The following WDPCP variants were observed in gnomAD, a reference collection of about 807,000 sequenced individuals.
WDPCP encodes WD repeat containing planar cell polarity effector.
Under a neutral mutation model 93.1 loss-of-function variants are expected in WDPCP, and 71 were observed. The observed-to-expected ratio is 0.76, with a 90% CI of 0.63 to 0.93. WDPCP has a LOEUF of 0.93. Among genes scored for constraint, WDPCP ranks in the 40% least tolerant of loss-of-function variants. The pLI, the probability that WDPCP is intolerant of heterozygous loss-of-function variation, is 0.00. For synonymous variants in WDPCP, 315 were observed against 315.0 expected, an observed-to-expected ratio of 1.00 and a Z score of 0.00; for missense variants, 844 against 887.4, an observed-to-expected ratio of 0.95 and a Z score of 0.62.
At chr2:63,370,808 C>G (rs1691312717) in intron 12 of WDPCP, among the ~76,000 whole-genome samples, 1 of 151,824 alleles carries the variant, frequency 6.6e-6, no homozygotes, top group Admixed American at 6.6e-5. Flanking sequence ...ATTGTATTCC[C>G]TTTGCTTTTT....
chr2:63,265,383 T>C (rs964510694), intron 13 of WDPCP, among the ~76,000 whole-genome samples: 2 of 152,026 alleles, frequency 1.3e-5, no homozygotes, highest in Non-Finnish European at 2.9e-5. Flanking sequence ...CACAACATAC[T>C]ACTACTACTA....
chr2:63,337,102 C>T (rs1688436077), intron 12 of WDPCP, among the ~76,000 whole-genome samples: 1 of 152,062 alleles, frequency 6.6e-6, no homozygotes, highest in African/African-American at 2.4e-5. Context: ...CCATGTTGGC[C>T]AGGATGGGCT....
intron 12 of WDPCP, among the ~76,000 whole-genome samples, chr2:63,365,248 C>A (rs1383528124): frequency 6.6e-6 from 1 of 152,132 alleles, no homozygotes; most frequent in Admixed American, 6.6e-5. Context: ...CTAGCAAGGT[C>A]TCTTCAGCAC....
At chr2:63,817,336 C>A (rs1042145353) in intron 1 of WDPCP, among the ~76,000 whole-genome samples, 1 of 152,146 alleles carries the variant, frequency 6.6e-6, no homozygotes, top group Non-Finnish European at 1.5e-5. Context: ...TCTCGAACTC[C>A]TGACCTCATG....
chr2:63,645,229 C>A (rs1710033833), intron 3 of WDPCP, among the ~76,000 whole-genome samples: 1 of 152,060 alleles, frequency 6.6e-6, no homozygotes, highest in Admixed American at 6.5e-5. Context: ...TCAAGAAATG[C>A]TTTATTTTCT....
intron 2 of WDPCP, among the ~76,000 whole-genome samples, chr2:63,810,705 T>C (rs1483937050): frequency 1.3e-5 from 2 of 152,228 alleles, no homozygotes; most frequent in Non-Finnish European, 2.9e-5. Flanking sequence ...ATATTTTTTA[T>C]ACCTATTATG....
chr2:63,439,946 A>G, intron 6 of WDPCP, 75 bp from the exon 7 acceptor site: 1 of 1,085,098 alleles, frequency 9.2e-7, no homozygotes, highest in Non-Finnish European at 1.4e-6. Flanking sequence ...CCTCTCTCCA[A>G]ATATACAACT....
At chr2:63,420,207 C>T (rs939334223) in intron 9 of WDPCP, among the ~76,000 whole-genome samples, 1 of 151,670 alleles carries the variant, frequency 6.6e-6, no homozygotes, top group Non-Finnish European at 1.5e-5. Context: ...AAATACTATC[C>T]TTTTGCTTCA....
At chr2:63,396,132 C>T (rs944718892) in intron 10 of WDPCP, among the ~76,000 whole-genome samples, 4 of 152,066 alleles carry the variant, frequency 2.6e-5, no homozygotes, top group African/African-American at 9.7e-5. Flanking sequence ...AAAGTAGAAG[C>T]CTGTCTAGAA....
intron 3 of WDPCP, among the ~76,000 whole-genome samples, chr2:63,600,531 C>A (rs1709398759): frequency 6.6e-6 from 1 of 152,128 alleles, no homozygotes; most frequent in South Asian, 2.1e-4. Context: ...TTGTATCTAC[C>A]TCAGAGAGTT....
intron 3 of WDPCP, chr2:63,644,029 C>T (rs776762116): frequency 1.4e-4 from 62 of 431,998 alleles, no homozygotes; most frequent in Non-Finnish European, 2.5e-4. Context: ...TCAGATGCTT[C>T]TTAGGACCAA....
rs1338526445 is a variant in WDPCP, at chr2:63,182,303, A to AT, written c.1916-7472dup. Among the ~76,000 whole-genome samples the AT allele has an allele frequency of 2.0e-5, 3 of 151,778 alleles. No homozygotes were observed. The East Asian group carries it at 5.8e-4, about 29-fold the overall frequency. ...GGTCTTATCATATATTGCTTTTATT[A>AT]TTTTGCAGTATGTTCCCTCTATGCC... On this transcript the variant is annotated intron_variant, in intron 14 of 17. Coordinates refer to ENST00000272321, the MANE Select transcript of WDPCP (RefSeq NM_015910.7).
chr2:63,828,931 A>G (rs1191938326), upstream of WDPCP, among the ~76,000 whole-genome samples: 6 of 152,160 alleles, frequency 3.9e-5, no homozygotes, highest in Non-Finnish European at 7.4e-5. Flanking sequence ...AAATTGCTTA[A>G]TATTTGCTTT....
intron 1 of WDPCP, among the ~76,000 whole-genome samples, chr2:63,506,929 A>C (rs555684165): frequency 1.3e-5 from 2 of 152,102 alleles, no homozygotes; most frequent in Admixed American, 6.6e-5. Context: ...ACAAAAGAAG[A>C]CTTGAAAGAT....
chr2:63,614,465 G>C (rs774049772), intron 3 of WDPCP, among the ~76,000 whole-genome samples: 1 of 152,188 alleles, frequency 6.6e-6, no homozygotes, highest in Non-Finnish European at 1.5e-5. Flanking sequence ...AGATGGCACT[G>C]TTAGGGCTCA....
chr2:63,661,063 T>C (rs1710220894), intron 2 of WDPCP, among the ~76,000 whole-genome samples: 1 of 152,222 alleles, frequency 6.6e-6, no homozygotes, highest in African/African-American at 2.4e-5. Context: ...TGTGAATGTA[T>C]GAGTTATCTA....
chr2:63,516,315 A>G (rs1425178937), intron 1 of WDPCP, among the ~76,000 whole-genome samples: 2 of 152,162 alleles, frequency 1.3e-5, no homozygotes, highest in African/African-American at 4.8e-5. Flanking sequence ...TGCTGAGAAC[A>G]TTCAAATTAT....
intron 1 of WDPCP, among the ~76,000 whole-genome samples, chr2:63,537,361 G>A (rs1039448243): frequency 6.6e-6 from 1 of 152,028 alleles, no homozygotes; most frequent in Non-Finnish European, 1.5e-5. Flanking sequence ...CCTCTAATTT[G>A]ACTCTTTCGA....
At chr2:63,493,619 G>A (rs1701028500) in intron 1 of WDPCP, among the ~76,000 whole-genome samples, 1 of 151,068 alleles carries the variant, frequency 6.6e-6, no homozygotes, top group South Asian at 2.1e-4. Context: ...GGCTAGGGAT[G>A]GACACTATGA....
Sources: allele counts gnomAD v4.1 joint callset (sites outside exome capture counted in the v4.1 genomes callset), GRCh38; gene constraint gnomAD v4.1.1; transcripts MANE v1.5; gene names NCBI Gene and HGNC (gene_info 2026-07-23, HGNC 2026-07-21).